The following RP1L1 variants were observed in gnomAD, a reference collection of about 807,000 sequenced individuals.
RP1L1 encodes RP1 like 1.
In RP1L1, 27 loss-of-function variants were observed where a neutral mutation model predicts 15.7. The ratio of observed to expected loss-of-function variants is 1.72; its 90% confidence interval spans 1.27 to 2.38. RP1L1 has a LOEUF of 2.38. Among genes scored for constraint, RP1L1 ranks in the 30% most tolerant of loss-of-function variants. The probability of loss-of-function intolerance (pLI) is 0.00; values close to 1 mark genes in which losing one functional copy is unlikely to be tolerated. For missense variants in RP1L1, 4,798 were observed against 3,075.9 expected (o/e 1.56, Z -13.24); for synonymous variants, 1,813 against 1,276.7 (o/e 1.42, Z -8.96).
At chr8:10,616,739 C>A in intron 2 of RP1L1, 152 bp from the exon 3 acceptor site, 1 of 826,324 alleles carries the variant, frequency 1.2e-6, no homozygotes, top group Non-Finnish European at 1.8e-6. Context: ...GTCTTATCCA[C>A]TCCCCATAAC....
chr8:10,652,666 T>A (rs1417883172), intron 1 of RP1L1, among the ~76,000 whole-genome samples: 4 of 150,758 alleles, frequency 2.7e-5, no homozygotes, highest in African/African-American at 4.9e-5. Context: ...CCTTCTGTAT[T>A]GAAGAAAAAA....
chr8:10,654,734 GA>G (rs34485660), intron 1 of RP1L1, among the ~76,000 whole-genome samples, 163 bp downstream of exon 1: 1,612 of 152,366 alleles, frequency 0.011, 35 homozygotes, highest in African/African-American at 0.036. Flanking sequence ...AGGCCTTGCA[GA>G]AGAGAACCGA....
chr8:10,653,713 C>T (rs1798597016), intron 1 of RP1L1, among the ~76,000 whole-genome samples: 1 of 152,158 alleles, frequency 6.6e-6, no homozygotes, highest in African/African-American at 2.4e-5. Context: ...CAGCTCTCCT[C>T]GTCCCCTCCT....
chr8:10,610,934 G>C lies in RP1L1; in HGVS notation c.3164C>G (p.Pro1055Arg), dbSNP rs777614658. 1.2e-6 allele frequency: 2 copies of C among 1,611,270 alleles called. No homozygotes were observed. The highest frequency in any genetic ancestry group is 1.1e-5 in the South Asian group (1 of 90,914). ...CTCTCTGTCTGCTCCGGCCTCTGCA[G>C]GGGCCTCGGAAACTCCCTCTGGAGC... is the stretch of plus-strand genomic sequence containing the variant. ...GAAPEGVSEA[P>R]AEAGADREAP... Residue 1055 changes from proline to arginine, a missense_variant, in exon 4 of 4, where the codon CCT becomes CGT. Physicochemically the swap from Pro to Arg is moderately radical, Grantham distance 103. Coordinates refer to ENST00000382483, the MANE Select transcript of RP1L1 (RefSeq NM_178857.6).
intron 1 of RP1L1, among the ~76,000 whole-genome samples, chr8:10,634,075 T>C (rs1470073602): frequency 1.3e-5 from 2 of 152,020 alleles, no homozygotes; most frequent in Admixed American, 6.5e-5. Context: ...CAGATAGAGC[T>C]CAGAGGACCA....
In RP1L1 at chr8:10,622,713, G is replaced by A. The variant is rs201167741; in HGVS notation, c.489C>T (p.Arg163=). Residue 163 remains arginine (R), a synonymous_variant, in exon 2 of 4, where the codon CGC becomes CGT. Coordinates refer to ENST00000382483, the MANE Select transcript of RP1L1 (RefSeq NM_178857.6). ...GACTGAGAACCACTGTCTGCTGGAG[G>A]CGAGGGTCCATGTTCTTAATCAGCA... ...RILLIKNMDP[R]LQQTVVLSHR... is the part of the protein sequence containing the mutation. 1.2e-5 allele frequency: 19 copies of A among 1,614,170 alleles called. No homozygotes were observed. The highest frequency in any genetic ancestry group is 7.6e-6 in the Non-Finnish European group (9 of 1,180,026).
chr8:10,623,539 C>A (rs1188088067), intron 1 of RP1L1, among the ~76,000 whole-genome samples: 9 of 151,866 alleles, frequency 5.9e-5, no homozygotes, highest in Admixed American at 4.6e-4. Context: ...ACCACAATGT[C>A]CCCAGCACAA....
chr8:10,632,195 A>AG (rs1798263323), intron 1 of RP1L1, among the ~76,000 whole-genome samples: 1 of 151,794 alleles, frequency 6.6e-6, no homozygotes, highest in Non-Finnish European at 1.5e-5. Flanking sequence ...GGAAGCAACC[A>AG]GGGGCACCAA....
intron 1 of RP1L1, among the ~76,000 whole-genome samples, chr8:10,626,670 C>T (rs1343140168): frequency 3.3e-5 from 5 of 152,162 alleles, no homozygotes; most frequent in African/African-American, 1.2e-4. Context: ...GACAAAGACA[C>T]GCCATTCATT....
At position 10,622,909 on chromosome 8, in the gene RP1L1, T is replaced by C. The variant is rs576445326; in HGVS notation, c.293A>G (p.Asp98Gly). Reference sequence around the variant, plus strand: ...ATCAGAGCAGAGGTAGCAGCCTCCATCTTCCAGCTGCTCCAGGGCGCTGAG... The same window carrying C: ...ATCAGAGCAGAGGTAGCAGCCTCCACCTTCCAGCTGCTCCAGGGCGCTGAG... The part of the protein sequence containing the change: ...HSLSALEQLE[D>G]GGCYLCSDKK... The change falls in exon 2 of 4, where the codon GAT becomes GGT. Residue 98 changes from aspartate (D) to glycine (G), a missense_variant. Transcript: ENST00000382483. 12 of 1,613,800 alleles carry C rather than the reference T, an allele frequency of 7.4e-6. No homozygotes were observed. The highest frequency in any genetic ancestry group is 1.0e-5 in the Non-Finnish European group (12 of 1,179,938).
chr8:10,621,653 A>G, intron 2 of RP1L1: 1 of 462,424 alleles, frequency 2.2e-6, no homozygotes, highest in Non-Finnish European at 4.4e-6. Context: ...TATTGGTGGA[A>G]TGGTGCATAC....
At chr8:10,635,487 A>T (rs991937308) in intron 1 of RP1L1, among the ~76,000 whole-genome samples, 4 of 152,246 alleles carry the variant, frequency 2.6e-5, no homozygotes, top group Admixed American at 6.5e-5. Context: ...AGATCAATCC[A>T]TTCCTCCACT....
intron 1 of RP1L1, among the ~76,000 whole-genome samples, chr8:10,647,124 C>G (rs66547880): frequency 0.07 from 10,731 of 152,302 alleles, 450 homozygotes; most frequent in South Asian, 0.1. Flanking sequence ...GTAAAAGTGG[C>G]TGCGTTTCCA....
Position 10,613,085 on chromosome 8 carries a change from A to G in RP1L1, c.1013T>C (p.Leu338Pro). 1 of 1,613,810 alleles carries G rather than the reference A, an allele frequency of 6.2e-7. No homozygotes were observed. Among genetic ancestry groups the G allele is most frequent in the Non-Finnish European group, 8.5e-7 (1 of 1,180,022 alleles). ...RFHLVGEDTL[L>P]WSRRMGRASA... The stretch of plus-strand genomic sequence containing the variant: ...GGCCCTGCCCATCCTCCGGGACCAT[A>G]GGAGCGTGTCCTCGCCGACCAGGTG... The change falls in exon 4 of 4, where the codon CTA becomes CCA. Residue 338 changes from leucine (L) to proline (P), a missense_variant. By Grantham distance (98) the Leu-to-Pro change is moderately conservative (BLOSUM62 -3). Transcript: ENST00000382483.
rs76480420 is a variant in RP1L1, at chr8:10,624,828, G to C, written c.-19-1608C>G. Among the ~76,000 whole-genome samples, 1,264 of 152,324 alleles carry C rather than the reference G, an allele frequency of 8.3e-3. 14 individuals carry two copies. Among genetic ancestry groups the C allele is most frequent in the African/African-American group, 0.028 (1,175 of 41,572 alleles). On this transcript the variant is annotated intron_variant, in intron 1 of 3. Transcript: ENST00000382483. ...CCACGAGCCGACAATTCTCTCCTTG[G>C]CTGAGTGGGTTTGAGTTGGGGTTTC...
At position 10,631,358 on chromosome 8, in the gene RP1L1, C is replaced by G. The variant is rs1798245659; in HGVS notation, c.-19-8138G>C. On this transcript the variant is annotated intron_variant, in intron 1 of 3. Coordinates refer to ENST00000382483, the MANE Select transcript of RP1L1 (RefSeq NM_178857.6). ...ATGCACACACACGCACACACATGCA[C>G]ACAAACACACATGCACACAAACACA... Among the ~76,000 whole-genome samples, 2 of 42,284 alleles carry G rather than the reference C, an allele frequency of 4.7e-5. 1 individual carries two copies. The highest frequency in any genetic ancestry group is 7.8e-4 in the East Asian group (2 of 2,580). 27.7% of individuals were successfully genotyped at this position (42,284 alleles called of 152,430 possible). A position where few individuals can be genotyped will look rare whatever the true frequency, so the allele number is the denominator to read the frequency against.
At chr8:10,645,544 T>C (rs913252813) in intron 1 of RP1L1, among the ~76,000 whole-genome samples, 3 of 152,036 alleles carry the variant, frequency 2.0e-5, no homozygotes, top group African/African-American at 7.2e-5. Flanking sequence ...TACAGCAGAG[T>C]CCAGCCCTCG....
chr8:10,616,600 C>T lies in RP1L1; in HGVS notation c.610-13G>A, dbSNP rs62490859. 0.12 allele frequency: 187,011 copies of T among 1,606,532 alleles called. 12,790 individuals carry two copies. Among genetic ancestry groups the T allele is most frequent in the South Asian group, 0.28 (25,439 of 90,980 alleles). ...GCAGCGAGTCCACCTGAGGGAGGAGCGGGCGGGGTCAGGAGGCCTGGGCTG... is the reference window on the plus strand; with the variant it reads ...GCAGCGAGTCCACCTGAGGGAGGAGTGGGCGGGGTCAGGAGGCCTGGGCTG... On this transcript the variant is annotated splice_polypyrimidine_tract_variant and intron_variant, in intron 2 of 3. Transcript: ENST00000382483.
chr8:10,635,077 G>T (rs886654272), intron 1 of RP1L1, among the ~76,000 whole-genome samples: 1 of 152,192 alleles, frequency 6.6e-6, no homozygotes, highest in African/African-American at 2.4e-5. Flanking sequence ...CCTCATAAAC[G>T]CACAGAGCAA....
Sources: gnomAD v4.1 joint callset for allele counts (sites outside exome capture counted in the v4.1 genomes callset) on GRCh38, gnomAD v4.1.1 for gene constraint, MANE v1.5 for transcripts, NCBI Gene and HGNC (gene_info 2026-07-23, HGNC 2026-07-21) for gene names.